STPG2: variants seen among roughly 807,000 people sequenced by gnomAD.
STPG2 encodes sperm tail PG-rich repeat containing 2.
A neutral mutation model predicts 54.2 loss-of-function variants in STPG2; 56 were observed. The ratio of observed to expected loss-of-function variants is 1.03; its 90% CI spans 0.83 to 1.29. The LOEUF (loss-of-function observed/expected upper bound fraction) is 1.29, where lower values mean the gene tolerates loss of function less well. Among genes scored for constraint, STPG2 ranks in the 50% most tolerant of loss-of-function variants. The pLI, the probability that STPG2 is intolerant of heterozygous loss-of-function variation, is 0.00. For synonymous variants in STPG2, 200 were observed against 181.8 expected, an observed-to-expected ratio of 1.10 and a Z score of -0.81; for missense variants, 596 against 544.9, an observed-to-expected ratio of 1.09 and a Z score of -0.93.
At chr4:98,096,127 GCTCACACCT>G (rs1209163270) in intron 5 of STPG2, among the ~76,000 whole-genome samples, 1 of 152,180 alleles carries the variant, frequency 6.6e-6, no homozygotes, top group African/African-American at 2.4e-5. Context: ...GAGCATGGTG[GCTCACACCT>G]GTAATCCCAG....
intron 10 of STPG2, among the ~76,000 whole-genome samples, chr4:97,619,049 T>C (rs1733939669): frequency 1.3e-5 from 2 of 152,182 alleles, no homozygotes; most frequent in Admixed American, 1.3e-4. Context: ...TTTTCTTATT[T>C]CCTAGGCTGA....
chr4:97,501,827 A>G (rs1730731794), intron 4 of STPG2, among the ~76,000 whole-genome samples: 1 of 152,108 alleles, frequency 6.6e-6, no homozygotes, highest in African/African-American at 2.4e-5. Flanking sequence ...TAATTTGATA[A>G]GAGTAAGTAG....
At chr4:97,671,228 G>A (rs1722685874) in intron 10 of STPG2, among the ~76,000 whole-genome samples, 1 of 152,140 alleles carries the variant, frequency 6.6e-6, no homozygotes, top group African/African-American at 2.4e-5. Context: ...TAATATTTTT[G>A]TAACATCTCA....
At chr4:97,999,138 G>A (rs1362587586) in intron 5 of STPG2, among the ~76,000 whole-genome samples, 3 of 152,114 alleles carry the variant, frequency 2.0e-5, no homozygotes, top group Non-Finnish European at 4.4e-5. Flanking sequence ...ATTTTGGAGT[G>A]ACTGGCTATG....
At chr4:98,055,487 G>C (rs1737452033) in intron 5 of STPG2, among the ~76,000 whole-genome samples, 1 of 152,146 alleles carries the variant, frequency 6.6e-6, no homozygotes, top group Non-Finnish European at 1.5e-5. Context: ...CAACAGCACT[G>C]AGGGAATGGG....
chr4:97,743,568 G>T (rs1371998840), intron 9 of STPG2, among the ~76,000 whole-genome samples: 2 of 151,656 alleles, frequency 1.3e-5, no homozygotes, highest in Non-Finnish European at 3.0e-5. Flanking sequence ...GAGGAAACAA[G>T]TTAAAGAAGA....
At chr4:97,465,344 T>C (rs577996031) in intron 4 of STPG2, among the ~76,000 whole-genome samples, 1 of 152,340 alleles carries the variant, frequency 6.6e-6, no homozygotes, top group East Asian at 1.9e-4. Context: ...TTTTTCATTT[T>C]GTCCAGATTT....
chr4:97,971,757 C>T (rs777772775), intron 7 of STPG2, among the ~76,000 whole-genome samples: 2 of 151,870 alleles, frequency 1.3e-5, no homozygotes, highest in Non-Finnish European at 2.9e-5. Flanking sequence ...TGTAACAAAC[C>T]TGCACGTTCT....
chr4:97,972,257 T>G, intron 7 of STPG2, 23 bp downstream of exon 7: 1 of 1,475,002 alleles, frequency 6.8e-7, no homozygotes, highest in Non-Finnish European at 9.1e-7. Flanking sequence ...ATAAAGAATA[T>G]TATTTTTGTA....
At chr4:98,114,389 A>C (rs1252371586) in intron 3 of STPG2, among the ~76,000 whole-genome samples, 1 of 152,130 alleles carries the variant, frequency 6.6e-6, no homozygotes, top group Admixed American at 6.6e-5. Context: ...AATATAATAT[A>C]GTCATGCTGG....
At chr4:97,520,187 G>A (rs1471570470) in intron 4 of STPG2, among the ~76,000 whole-genome samples, 2 of 151,994 alleles carry the variant, frequency 1.3e-5, no homozygotes, top group African/African-American at 4.8e-5. Context: ...TGGTGGAAGG[G>A]AAATAATTGT....
At chr4:97,811,704 T>C (rs1344749527) in intron 9 of STPG2, among the ~76,000 whole-genome samples, 1 of 152,278 alleles carries the variant, frequency 6.6e-6, no homozygotes, top group Non-Finnish European at 1.5e-5. Flanking sequence ...AAGTAACTAA[T>C]TGAAATAGGC....
intron 1 of STPG2, among the ~76,000 whole-genome samples, chr4:98,139,566 G>A (rs955547228): frequency 3.3e-5 from 5 of 152,098 alleles, no homozygotes; most frequent in Admixed American, 3.3e-4. Context: ...TTTGTACCTA[G>A]GAAAGAGATG....
chr4:97,537,105 C>G (rs1731551073), intron 4 of STPG2, among the ~76,000 whole-genome samples: 1 of 152,154 alleles, frequency 6.6e-6, no homozygotes, highest in Non-Finnish European at 1.5e-5. Context: ...CAGTCTACAG[C>G]TCCCAGTGTG....
intron 9 of STPG2, among the ~76,000 whole-genome samples, chr4:97,731,595 C>T (rs1483203780): frequency 6.6e-6 from 1 of 152,160 alleles, no homozygotes; most frequent in East Asian, 1.9e-4. Flanking sequence ...AGTTTTGTCC[C>T]AAGCCTTCTG....
intron 5 of STPG2, among the ~76,000 whole-genome samples, chr4:98,002,678 A>G (rs1230916264): frequency 1.3e-5 from 2 of 152,116 alleles, no homozygotes; most frequent in Non-Finnish European, 1.5e-5. Context: ...AGAAATTCTC[A>G]TTCCCTAAAT....
intron 9 of STPG2, among the ~76,000 whole-genome samples, chr4:97,766,833 T>G (rs1449849394): frequency 2.0e-5 from 3 of 152,036 alleles, no homozygotes; most frequent in Admixed American, 2.0e-4. Flanking sequence ...CTCTTCTAAT[T>G]AATTTTATTA....
At chr4:97,946,717 A>C (rs1030041226) in intron 7 of STPG2, among the ~76,000 whole-genome samples, 1 of 152,084 alleles carries the variant, frequency 6.6e-6, no homozygotes, top group Non-Finnish European at 1.5e-5. Context: ...ATTTGGCTTT[A>C]TTTCTGCATT....
At chr4:97,586,005 C>T (rs546579624) in intron 10 of STPG2, among the ~76,000 whole-genome samples, 101 of 151,848 alleles carry the variant, frequency 6.7e-4, no homozygotes, top group African/African-American at 2.3e-3. Context: ...AAGACTGATG[C>T]CAAACTGAGA....
Sources: gnomAD v4.1 joint callset for allele counts (sites outside exome capture counted in the v4.1 genomes callset) on GRCh38, gnomAD v4.1.1 for gene constraint, MANE v1.5 for transcripts, NCBI Gene and HGNC (gene_info 2026-07-23, HGNC 2026-07-21) for gene names.